The following PTGIR variants were observed in gnomAD, a reference collection of about 807,000 sequenced individuals.
PTGIR encodes the protein prostaglandin I2 receptor, also known as prostacyclin receptor.
A neutral mutation model predicts 17.6 loss-of-function variants in PTGIR; 16 were observed. The ratio of observed to expected loss-of-function variants is 0.91; its 90% CI spans 0.61 to 1.38. PTGIR has a LOEUF of 1.38. PTGIR is among the 40% of genes most tolerant of loss of function. PTGIR has a pLI of 0.00. For missense variants in PTGIR, 532 were observed against 548.6 expected, an observed-to-expected ratio of 0.97 and a Z score of 0.30; for synonymous variants, 274 against 255.4, an observed-to-expected ratio of 1.07 and a Z score of -0.69.
Position 46,620,732 on chromosome 19 carries a change from C to A in PTGIR, c.*548G>T, listed in dbSNP as rs1568676844. The stretch of plus-strand genomic sequence containing the variant: ...CAGCAGCCTCCCCTTCCTCCCGTTG[C>A]CCCTTTGGGATGCCAGGGCTCCCAA... On this transcript the variant is annotated 3_prime_UTR_variant, in exon 3 of 3. Coordinates refer to ENST00000291294, the MANE Select transcript of PTGIR (RefSeq NM_000960.4). 1 of 986,036 alleles carries A rather than the reference C, an allele frequency of 1.0e-6. No individual in the cohort carries two copies. Among genetic ancestry groups the A allele is most frequent in the Non-Finnish European group, 1.2e-6 (1 of 830,018 alleles). The allele number at this position is 986,036 out of a possible 1,614,324, so 61.1% of individuals were successfully genotyped here. A position where few individuals can be genotyped will look rare whatever the true frequency, so the allele number is the denominator to read the frequency against.
Position 46,621,181 on chromosome 19 carries a change from G to T in PTGIR, c.*99C>A. 2.1e-6 allele frequency: 3 copies of T among 1,425,794 alleles called. No individual in the cohort carries two copies. The highest frequency in any genetic ancestry group is 2.8e-6 in the Non-Finnish European group (3 of 1,086,144). The allele number at this position is 1,425,794 out of a possible 1,614,324, so 88.3% of individuals were successfully genotyped here. On this transcript the variant is annotated 3_prime_UTR_variant, in exon 3 of 3. Coordinates refer to ENST00000291294, the MANE Select transcript of PTGIR (RefSeq NM_000960.4). The surrounding 1 kb of genome is among the most constrained non-coding windows in gnomAD (Gnocchi z 4.8). ...CAGCTGATCGGCCCCAGAGTTTGGG[G>T]GCCAAGGTTCCAGCATCCGCAGCCA...
chr19:46,619,040 C>G (rs901154310), downstream of PTGIR, among the ~76,000 whole-genome samples: 2 of 152,178 alleles, frequency 1.3e-5, no homozygotes, highest in Admixed American at 6.6e-5. Context: ...ATTGCTTAAT[C>G]CCCAAAGCCG....
the PTGIR span, among the ~76,000 whole-genome samples, chr19:46,611,565 C>T: frequency 6.6e-6 from 1 of 152,180 alleles, no homozygotes; most frequent in Non-Finnish European, 1.5e-5. Flanking sequence ...AGCCAAATTA[C>T]AAACCACAGA....
At chr19:46,619,666 G>GA (rs373211784), downstream of PTGIR, among the ~76,000 whole-genome samples, 2,109 of 142,294 alleles carry the variant, frequency 0.015, 33 homozygotes, top group Middle Eastern at 0.032. Context: ...AAGAAAGAAA[G>GA]AAAGAAAGAG....
chr19:46,619,464 C>T (rs74768887), downstream of PTGIR, among the ~76,000 whole-genome samples: 1 of 145,680 alleles, frequency 6.9e-6, no homozygotes, highest in Non-Finnish European at 1.5e-5. Context: ...CATTGCACTC[C>T]AGCCTGGGTG....
the PTGIR span, among the ~76,000 whole-genome samples, chr19:46,613,338 G>T: frequency 7.2e-6 from 1 of 138,004 alleles, no homozygotes; most frequent in African/African-American, 2.8e-5. Flanking sequence ...CTCTCTTTTC[G>T]CCTCCCCCTA....
At chr19:46,610,937 G>A in the PTGIR span, 25,889 of 152,644 alleles carry the variant, frequency 0.17, 2,317 homozygotes, top group Middle Eastern at 0.22. Flanking sequence ...CCCAGTGGAC[G>A]CCTCTGAACC....
chr19:46,613,319 C>T, the PTGIR span, among the ~76,000 whole-genome samples: 2 of 150,092 alleles, frequency 1.3e-5, no homozygotes, highest in Non-Finnish European at 3.0e-5. Context: ...TGCTGGGATG[C>T]CAAACTCTCT....
Position 46,624,066 on chromosome 19 carries a change from T to C in PTGIR, c.160A>G (p.Thr54Ala), listed in dbSNP as rs1412772176. Reference protein sequence around the residue: ...ARPSAFAVLVTGLAATDLLGT... With the variant: ...ARPSAFAVLVAGLAATDLLGT... ...AGCAGGTCGGTGGCCGCCAGTCCGG[T>C]CACCAGCACCGCGAAGGCCGAGGGG... Residue 54 changes from threonine to alanine, a missense_variant, in exon 2 of 3, where the codon ACC (threonine) becomes GCC (alanine). Physicochemically the swap from Thr to Ala is moderately conservative, Grantham distance 58. Transcript: ENST00000291294. 1.3e-6 allele frequency: 2 copies of C among 1,539,998 alleles called. No individual in the cohort carries two copies. Among genetic ancestry groups the C allele is most frequent in the South Asian group, 1.2e-5 (1 of 83,636 alleles).
chr19:46,621,179 G>A lies in PTGIR; in HGVS notation c.*101C>T. On this transcript the variant is annotated 3_prime_UTR_variant, in exon 3 of 3. Transcript: ENST00000291294. The surrounding 1 kb of genome is among the most constrained non-coding windows in gnomAD (Gnocchi z 4.8). ...AGCAGCTGATCGGCCCCAGAGTTTGGGGGCCAAGGTTCCAGCATCCGCAGC... is the reference window on the plus strand; with the variant it reads ...AGCAGCTGATCGGCCCCAGAGTTTGAGGGCCAAGGTTCCAGCATCCGCAGC... 7.0e-7 allele frequency: 1 copy of A among 1,422,976 alleles called. No homozygotes were observed. The highest frequency in any genetic ancestry group is 1.9e-5 in the South Asian group (1 of 51,696). The allele number at this position is 1,422,976 out of a possible 1,614,324, so 88.1% of individuals were successfully genotyped here.
At chr19:46,619,577 GA>G (rs2122312871), downstream of PTGIR, among the ~76,000 whole-genome samples, 1 of 104,860 alleles carries the variant, frequency 9.5e-6, no homozygotes, top group African/African-American at 4.2e-5. Context: ...GAGAGAGAGA[GA>G]GAGAGAAAGA....
At chr19:46,619,547 A>AAGAG (rs200797814), downstream of PTGIR, among the ~76,000 whole-genome samples, 182 of 87,876 alleles carry the variant, frequency 2.1e-3, no homozygotes, top group Middle Eastern at 0.01. Context: ...GAAAGAAAGA[A>AAGAG]AGAGAGAGAG....
downstream of PTGIR, among the ~76,000 whole-genome samples, chr19:46,619,604 GGAAAGAAAGAAAGAAA>G (rs200994043): frequency 1.5e-4 from 10 of 67,238 alleles, no homozygotes; most frequent in Non-Finnish European, 2.2e-4. Flanking sequence ...AAGAAAGAAA[GGAAAGAAAGAAAGAAA>G]GAAAGAAAGA....
At position 46,621,694 on chromosome 19, in the gene PTGIR, C is replaced by A. The variant is rs779218453; in HGVS notation, c.769-22G>T. On this transcript the variant is annotated intron_variant, in intron 2 of 2. Coordinates refer to ENST00000291294, the MANE Select transcript of PTGIR (RefSeq NM_000960.4). This position sits in a 1 kb window ranked among gnomAD's most constrained non-coding sequence, Gnocchi z 4.8. ...GGATCTGAGGGCAGGGTGAGGGCGT[C>A]AAGGAGCACCCAGGAGTCCTCAGCC... 8.1e-6 allele frequency: 13 copies of A among 1,599,238 alleles called. 1 individual carries two copies. The South Asian group carries it at 1.3e-4, about 17-fold the overall frequency.
At position 46,623,495 on chromosome 19, in the gene PTGIR, A is replaced by G; in HGVS notation, c.731T>C (p.Met244Thr). Reference sequence around the variant, plus strand: ...GGAGCACACGGCCATGACCACTGTCATGAGGGCCAGCAGGATCAGGTGGTC... The same window carrying G: ...GGAGCACACGGCCATGACCACTGTCGTGAGGGCCAGCAGGATCAGGTGGTC... ...EVDHLILLAL[M>T]TVVMAVCSLP... The change falls in exon 2 of 3, where the codon ATG (methionine) becomes ACG (threonine). Residue 244 changes from methionine (M) to threonine (T), a missense_variant. Met to Thr is a moderately conservative substitution (Grantham distance 81). Coordinates refer to ENST00000291294, the MANE Select transcript of PTGIR (RefSeq NM_000960.4). 6.3e-7 allele frequency: 1 copy of G among 1,579,782 alleles called. No individual in the cohort carries two copies. The highest frequency in any genetic ancestry group is 8.6e-7 in the Non-Finnish European group (1 of 1,162,082).
downstream of PTGIR, among the ~76,000 whole-genome samples, chr19:46,619,796 T>C (rs2122317591): frequency 6.6e-6 from 1 of 152,014 alleles, no homozygotes. Flanking sequence ...TCTCCCCAAG[T>C]GTGGATTTTT....
the PTGIR span, chr19:46,614,538 A>C: frequency 1.7e-6 from 1 of 573,088 alleles, no homozygotes; most frequent in Non-Finnish European, 2.2e-6. Context: ...CGCCTAGAGC[A>C]GTCAGCCTCT....
chr19:46,620,194 C>T (rs569010610), downstream of PTGIR, among the ~76,000 whole-genome samples: 22 of 152,198 alleles, frequency 1.4e-4, no homozygotes, highest in Non-Finnish European at 2.2e-4. Context: ...CAACCTCCCA[C>T]GTTCAGGTGA....
Position 46,621,331 on chromosome 19 carries a change from G to A in PTGIR, c.1110C>T (p.Ala370=), listed in dbSNP as rs766346736. The change falls in exon 3 of 3, where the codon GCC becomes GCT. Residue 370 remains alanine (A), a synonymous_variant. Coordinates refer to ENST00000291294, the MANE Select transcript of PTGIR (RefSeq NM_000960.4). The surrounding 1 kb of genome is among the most constrained non-coding windows in gnomAD (Gnocchi z 4.8). ...LPPTQQSSGS[A]VGTSSKAEAS... ...CTTCTGCTTTGGACGACGTTCCCAC[G>A]GCGCTGCCGCTGGACTGCTGTGTGG... 2.6e-6 allele frequency: 4 copies of A among 1,524,372 alleles called. No individual in the cohort carries two copies. The highest frequency in any genetic ancestry group is 2.3e-5 in the East Asian group (1 of 44,042). The allele number at this position is 1,524,372 out of a possible 1,614,324, so 94.4% of individuals were successfully genotyped here. A position where few individuals can be genotyped will look rare whatever the true frequency, so the allele number is the denominator to read the frequency against.
Sources: allele counts gnomAD v4.1 joint callset (sites outside exome capture counted in the v4.1 genomes callset), GRCh38; gene constraint gnomAD v4.1.1; non-coding constraint Gnocchi (gnomAD v3.1); transcripts MANE v1.5; gene names NCBI Gene and HGNC (gene_info 2026-07-23, HGNC 2026-07-21).